PPP2R2A: variants seen among roughly 807,000 people sequenced by gnomAD.
PPP2R2A encodes protein phosphatase 2 regulatory subunit Balpha.
A neutral mutation model predicts 53.2 loss-of-function variants in PPP2R2A; 9 were observed. The observed-to-expected ratio is 0.17, with a 90% CI of 0.10 to 0.30. The LOEUF is 0.30. Ranked by LOEUF, PPP2R2A falls within the 10% of genes least tolerant of loss-of-function variation. PPP2R2A has a pLI of 1.00. For synonymous variants in PPP2R2A, 169 were observed against 174.2 expected (o/e 0.97, Z 0.23); for missense variants, 235 against 534.6 (o/e 0.44, Z 5.53).
rs1160987150 is a variant in PPP2R2A, at chr8:26,338,669, A to C, written c.83-221A>C. Reference sequence around the variant, plus strand: ...ATTAGTATTTGTTGTATTCTCTGTTAAAATAGTTTCATACTGGTTTATTCT... The same window carrying C: ...ATTAGTATTTGTTGTATTCTCTGTTCAAATAGTTTCATACTGGTTTATTCT... On this transcript the variant is annotated intron_variant, in intron 2 of 9. Coordinates refer to ENST00000380737, the MANE Select transcript of PPP2R2A (RefSeq NM_002717.4). The surrounding 1 kb of genome is among the most constrained non-coding windows in gnomAD (Gnocchi z 4.5). Among the ~76,000 whole-genome samples the C allele has an allele frequency of 6.6e-6, 1 of 152,194 alleles. No homozygotes were observed. Among genetic ancestry groups the C allele is most frequent in the Non-Finnish European group, 1.5e-5 (1 of 68,030 alleles).
At chr8:26,298,832 A>G (rs1354844873) in intron 2 of PPP2R2A, among the ~76,000 whole-genome samples, 1 of 152,238 alleles carries the variant, frequency 6.6e-6, no homozygotes, top group Non-Finnish European at 1.5e-5. Context: ...GAATTTAACA[A>G]AATAGAAAGC....
At position 26,293,759 on chromosome 8, in the gene PPP2R2A, C is replaced by G. The variant is rs748871214; in HGVS notation, c.82+19C>G. On this transcript the variant is annotated intron_variant, in intron 2 of 9. Coordinates refer to ENST00000380737, the MANE Select transcript of PPP2R2A (RefSeq NM_002717.4). Reference sequence around the variant, plus strand: ...GCAGAAGGTAAGAAAGCGTTTAATGCAAAATTTGGATATATAATTTTTGCA... The same window carrying G: ...GCAGAAGGTAAGAAAGCGTTTAATGGAAAATTTGGATATATAATTTTTGCA... 1.2e-6 allele frequency: 2 copies of G among 1,609,682 alleles called. No homozygotes were observed. The highest frequency in any genetic ancestry group is 4.5e-5 in the East Asian group (2 of 44,804).
At position 26,354,883 on chromosome 8, in the gene PPP2R2A, A is replaced by G. The variant is rs1804691788; in HGVS notation, c.346+250A>G. ...AAAGAATGGGCTGCTATACCATTGGATTTAGGTCAGGTAATATTTCTGTCA... is the reference window on the plus strand; with the variant it reads ...AAAGAATGGGCTGCTATACCATTGGGTTTAGGTCAGGTAATATTTCTGTCA... On this transcript the variant is annotated intron_variant, in intron 4 of 9. Coordinates refer to ENST00000380737, the MANE Select transcript of PPP2R2A (RefSeq NM_002717.4). This position sits in a 1 kb window ranked among gnomAD's most constrained non-coding sequence, Gnocchi z 4.6. Among the ~76,000 whole-genome samples, 1 of 152,124 alleles carries G rather than the reference A, an allele frequency of 6.6e-6. No homozygotes were observed. The highest frequency in any genetic ancestry group is 1.5e-5 in the Non-Finnish European group (1 of 68,022).
intron 2 of PPP2R2A, among the ~76,000 whole-genome samples, chr8:26,315,737 C>T (rs1232611872): frequency 2.0e-5 from 3 of 152,144 alleles, no homozygotes; most frequent in African/African-American, 7.2e-5. Context: ...TTTTTCAGCA[C>T]ATTGGTTGTT....
At chr8:26,296,027 G>A (rs904651649) in intron 2 of PPP2R2A, among the ~76,000 whole-genome samples, 1 of 151,696 alleles carries the variant, frequency 6.6e-6, no homozygotes, top group African/African-American at 2.4e-5. Flanking sequence ...CCTTTCTCCC[G>A]TCTACATGCA....
chr8:26,328,569 G>A (rs146690391), intron 2 of PPP2R2A, among the ~76,000 whole-genome samples: 2 of 152,166 alleles, frequency 1.3e-5, no homozygotes, highest in African/African-American at 2.4e-5. Context: ...TTCTCTTTCC[G>A]AGCTCTGGTA....
In PPP2R2A at chr8:26,291,535, G is replaced by C. The variant is rs1398598139; in HGVS notation, c.-285G>C. 1 of 487,208 alleles carries C rather than the reference G, an allele frequency of 2.1e-6. No homozygotes were observed. Among genetic ancestry groups the C allele is most frequent in the Non-Finnish European group, 3.7e-6 (1 of 273,956 alleles). 30.2% of individuals were successfully genotyped at this position (487,208 alleles called of 1,614,324 possible). A position where few individuals can be genotyped will look rare whatever the true frequency, so the allele number is the denominator to read the frequency against. ...GCCAGCCGGCGCCATTTTGAAAGTG[G>C]AGTCGCCTGCCCCTGCCGCTGCCGC... On this transcript the variant is annotated 5_prime_UTR_variant, in exon 1 of 10. Coordinates refer to ENST00000380737, the MANE Select transcript of PPP2R2A (RefSeq NM_002717.4).
intron 2 of PPP2R2A, among the ~76,000 whole-genome samples, chr8:26,316,577 A>G (rs1279477165): frequency 5.3e-5 from 8 of 152,182 alleles, no homozygotes; most frequent in Middle Eastern, 3.2e-3. Context: ...ACATTTGTCA[A>G]AGACCTTTTG....
In PPP2R2A at chr8:26,362,559, C is replaced by A; in HGVS notation, c.638-125C>A. The stretch of plus-strand genomic sequence containing the variant: ...CCTTTGGAATTTATACTCATAAAAA[C>A]AGTGGAGTGCAATTCAGAATTAATA... On this transcript the variant is annotated intron_variant, in intron 6 of 9. Transcript: ENST00000380737. This position sits in a 1 kb window ranked among gnomAD's most constrained non-coding sequence, Gnocchi z 4.4. The A allele has an allele frequency of 1.2e-6, 1 of 836,810 alleles. No individual in the cohort carries two copies. Among genetic ancestry groups the A allele is most frequent in the Non-Finnish European group, 1.8e-6 (1 of 549,312 alleles). 51.8% of individuals were successfully genotyped at this position (836,810 alleles called of 1,614,324 possible). A position where few individuals can be genotyped will look rare whatever the true frequency, so the allele number is the denominator to read the frequency against.
intron 2 of PPP2R2A, among the ~76,000 whole-genome samples, chr8:26,300,012 T>A (rs1332901580): frequency 6.6e-6 from 1 of 152,228 alleles, no homozygotes; most frequent in Non-Finnish European, 1.5e-5. Context: ...TACAGTCACT[T>A]AAAGTAGTAG....
At position 26,360,050 on chromosome 8, in the gene PPP2R2A, AGG is replaced by A; in HGVS notation, c.347-117_347-116del. On this transcript the variant is annotated intron_variant, in intron 4 of 9. Coordinates refer to ENST00000380737, the MANE Select transcript of PPP2R2A (RefSeq NM_002717.4). This position sits in a 1 kb window ranked among gnomAD's most constrained non-coding sequence, Gnocchi z 4.5. ...GGAAATTTTTTAGTAAGTTCAGATT[AGG>A]GTTTTTTTTTTTTTCGTGGAATCCT... 1 of 524,702 alleles carries A rather than the reference AGG, an allele frequency of 1.9e-6. No homozygotes were observed. The allele number at this position is 524,702 out of a possible 1,614,324, so 32.5% of individuals were successfully genotyped here.
chr8:26,326,882 T>TA (rs1803115181), intron 2 of PPP2R2A, among the ~76,000 whole-genome samples: 1 of 152,256 alleles, frequency 6.6e-6, no homozygotes, highest in African/African-American at 2.4e-5. Flanking sequence ...CCAGGGCTTA[T>TA]TGTCTGTTTA....
chr8:26,326,883 T>A (rs1038219539), intron 2 of PPP2R2A, among the ~76,000 whole-genome samples: 1 of 152,246 alleles, frequency 6.6e-6, no homozygotes, highest in African/African-American at 2.4e-5. Context: ...CAGGGCTTAT[T>A]GTCTGTTTAA....
chr8:26,304,124 A>C (rs1801909818), intron 2 of PPP2R2A, among the ~76,000 whole-genome samples: 1 of 152,198 alleles, frequency 6.6e-6, no homozygotes, highest in Non-Finnish European at 1.5e-5. Context: ...CTAAATTTGG[A>C]AGAATCAAGG....
At chr8:26,326,929 G>A (rs898388730) in intron 2 of PPP2R2A, among the ~76,000 whole-genome samples, 2 of 152,180 alleles carry the variant, frequency 1.3e-5, no homozygotes, top group African/African-American at 4.8e-5. Context: ...ATTAGCAGCT[G>A]TTTATCTTTC....
intron 4 of PPP2R2A, among the ~76,000 whole-genome samples, chr8:26,357,721 G>A (rs1804868970): frequency 6.6e-6 from 1 of 151,954 alleles, no homozygotes. Context: ...GGAAACGGCA[G>A]CGTGGTTTTC....
Position 26,354,664 on chromosome 8 carries a change from C to A in PPP2R2A, c.346+31C>A. On this transcript the variant is annotated intron_variant, in intron 4 of 9. Transcript: ENST00000380737. The surrounding 1 kb of genome is among the most constrained non-coding windows in gnomAD (Gnocchi z 4.6). Reference sequence around the variant, plus strand: ...TATACATATTTTCTTTCCATGTGCCCACTGTGTGTACCTGTTGCACATATC... The same window carrying A: ...TATACATATTTTCTTTCCATGTGCCAACTGTGTGTACCTGTTGCACATATC... 6.5e-7 allele frequency: 1 copy of A among 1,532,072 alleles called. No individual in the cohort carries two copies. 94.9% of individuals were successfully genotyped at this position (1,532,072 alleles called of 1,614,324 possible).
intron 2 of PPP2R2A, among the ~76,000 whole-genome samples, chr8:26,318,388 AAT>A (rs1802669145): frequency 6.6e-6 from 1 of 152,166 alleles, no homozygotes; most frequent in Non-Finnish European, 1.5e-5. Context: ...TTATATTGAA[AAT>A]GGTGGTCTTT....
intron 2 of PPP2R2A, among the ~76,000 whole-genome samples, chr8:26,332,199 CA>C (rs879413637): frequency 2.1e-4 from 30 of 144,616 alleles, no homozygotes; most frequent in Non-Finnish European, 2.3e-4. Flanking sequence ...ACTAAAAATA[CA>C]AAAAAAAAAA....
Sources: gnomAD v4.1 joint callset for allele counts (sites outside exome capture counted in the v4.1 genomes callset) on GRCh38, gnomAD v4.1.1 for gene constraint, Gnocchi (gnomAD v3.1) non-coding constraint, MANE v1.5 for transcripts, NCBI Gene and HGNC (gene_info 2026-07-23, HGNC 2026-07-21) for gene names.